Variants in FSHR observed in about 807,000 individuals in gnomAD.
FSHR encodes follicle-stimulating hormone receptor.
A neutral mutation model predicts 52.1 loss-of-function variants in FSHR; 46 were observed. The observed-to-expected ratio is 0.88, with a 90% CI of 0.70 to 1.13. The LOEUF is 1.13. Among genes scored for constraint, FSHR ranks in the 50% most tolerant of loss-of-function variants. The pLI is 0.00. For synonymous variants in FSHR, 399 were observed against 309.6 expected, an observed-to-expected ratio of 1.29 and a Z score of -3.03; for missense variants, 964 against 834.6, an observed-to-expected ratio of 1.16 and a Z score of -1.91.
chr2:48,983,293 A>C, intron 6 of FSHR, 127 bp from the exon 7 acceptor site: 2 of 790,862 alleles, frequency 2.5e-6, no homozygotes, highest in South Asian at 2.9e-5. Flanking sequence ...GCCACTTTTA[A>C]AGCTTGGGGA....
intron 2 of FSHR, among the ~76,000 whole-genome samples, chr2:49,025,399 T>C (rs1013319257): frequency 1.2e-4 from 18 of 152,270 alleles, no homozygotes; most frequent in African/African-American, 4.3e-4. Context: ...CACATTTTAG[T>C]TACTAGAAAA....
intron 2 of FSHR, among the ~76,000 whole-genome samples, chr2:49,060,411 T>A (rs1669243237): frequency 6.6e-6 from 1 of 152,028 alleles, no homozygotes; most frequent in Non-Finnish European, 1.5e-5. Context: ...AAGTCATGCC[T>A]CTCCAGTGCC....
intron 8 of FSHR, among the ~76,000 whole-genome samples, chr2:48,981,137 G>T (rs1309220526): frequency 6.6e-6 from 1 of 152,204 alleles, no homozygotes; most frequent in Non-Finnish European, 1.5e-5. Context: ...CAAGTTTTGA[G>T]TACTTTGTAT....
chr2:48,971,546 A>G (rs1232386600), intron 8 of FSHR, among the ~76,000 whole-genome samples: 1 of 152,130 alleles, frequency 6.6e-6, no homozygotes, highest in Non-Finnish European at 1.5e-5. Flanking sequence ...CATTTTCAGA[A>G]CAATTACCTT....
intron 2 of FSHR, among the ~76,000 whole-genome samples, chr2:49,038,634 ATAATAATAAT>A (rs1558404959): frequency 2.0e-4 from 22 of 107,578 alleles, no homozygotes; most frequent in African/African-American, 6.7e-4. Context: ...CAAAATAATA[ATAATAATAAT>A]AATAATAATA....
intron 1 of FSHR, among the ~76,000 whole-genome samples, chr2:49,124,372 C>G (rs1382492398): frequency 6.6e-6 from 1 of 151,956 alleles, no homozygotes; most frequent in Non-Finnish European, 1.5e-5. Flanking sequence ...TAGGTGGTAT[C>G]AGAAAACAAA....
intron 2 of FSHR, among the ~76,000 whole-genome samples, chr2:49,029,781 G>T (rs1558400046): frequency 6.6e-6 from 1 of 152,172 alleles, no homozygotes; most frequent in Admixed American, 6.5e-5. Flanking sequence ...CTCTTCTTGA[G>T]TCAAATCAGT....
chr2:49,059,738 T>C (rs939439219), intron 2 of FSHR: 2 of 152,154 alleles, frequency 1.3e-5, no homozygotes, highest in Non-Finnish European at 2.9e-5. Context: ...TTCCTAAATA[T>C]ACGTCCAAAA....
chr2:49,022,051 C>T (rs1667744235), intron 2 of FSHR, among the ~76,000 whole-genome samples: 1 of 150,710 alleles, frequency 6.6e-6, no homozygotes, highest in Non-Finnish European at 1.5e-5. Context: ...CATTTGAATG[C>T]AGTAGAGTGA....
At chr2:49,014,962 T>TA in intron 4 of FSHR, 1 of 462,404 alleles carries the variant, frequency 2.2e-6, no homozygotes, top group South Asian at 1.6e-5. Flanking sequence ...AAGGGAGAGA[T>TA]AGAGTTGGGA....
intron 2 of FSHR, among the ~76,000 whole-genome samples, chr2:49,039,451 G>A (rs919156006): frequency 5.3e-5 from 8 of 152,188 alleles, no homozygotes; most frequent in African/African-American, 1.9e-4. Context: ...AGGGCACAGA[G>A]CAGTATACAA....
intron 9 of FSHR, among the ~76,000 whole-genome samples, chr2:48,965,799 G>A (rs927048838): frequency 9.2e-5 from 14 of 152,190 alleles, no homozygotes; most frequent in African/African-American, 3.1e-4. Flanking sequence ...CATGAAGTAA[G>A]GAGAAAAGTA....
intron 2 of FSHR, among the ~76,000 whole-genome samples, chr2:49,048,736 T>C (rs1396641659): frequency 6.6e-6 from 1 of 152,224 alleles, no homozygotes; most frequent in African/African-American, 2.4e-5. Flanking sequence ...TTTTCCTCTC[T>C]GCCTGCTTAA....
rs369158999 is a variant in FSHR at position 49,038,643 on chromosome 2, AT to A, written c.225-18484del. On this transcript the variant is annotated intron_variant, in intron 2 of 9. Coordinates refer to ENST00000406846, the MANE Select transcript of FSHR (RefSeq NM_000145.4). ...CTGTCTCAAAATAATAATAATAATA[AT>A]AATAATAATAATAATAATAATAATA... Among the ~76,000 whole-genome samples, 2 of 140,756 alleles carry A rather than the reference AT, an allele frequency of 1.4e-5. 1 individual carries two copies. Among genetic ancestry groups the A allele is most frequent in the Non-Finnish European group, 3.1e-5 (2 of 64,632 alleles). 92.3% of individuals were successfully genotyped at this position (140,756 alleles called of 152,430 possible). A position where few individuals can be genotyped will look rare whatever the true frequency, so the allele number is the denominator to read the frequency against.
Position 48,963,140 on chromosome 2 carries a change from TG to T in FSHR, c.1680del (p.Asn560LysfsTer82). ...CTGGTGTCACTAGAGGAGGACACGA[TG>T]TTGGGGTTCCGCACTGTGAGGTAGA... ...IHIYLTVRNP[N>X]IVSSSSDTRI... is the part of the protein sequence containing the mutation. On this transcript the variant is annotated frameshift_variant, in exon 10 of 10. Transcript: ENST00000406846. LOFTEE classifies it high-confidence loss of function. 6.2e-7 allele frequency: 1 copy of T among 1,614,010 alleles called. No homozygotes were observed. Among genetic ancestry groups the T allele is most frequent in the Non-Finnish European group, 8.5e-7 (1 of 1,179,998 alleles).
intron 1 of FSHR, among the ~76,000 whole-genome samples, chr2:49,090,470 A>G (rs565567700): frequency 6.2e-4 from 95 of 152,340 alleles, no homozygotes; most frequent in Non-Finnish European, 1.2e-3. Flanking sequence ...GCTGCTGAGT[A>G]GTATTCCACT....
At chr2:49,088,741 G>A (rs1670491148) in intron 1 of FSHR, among the ~76,000 whole-genome samples, 1 of 152,124 alleles carries the variant, frequency 6.6e-6, no homozygotes, top group East Asian at 1.9e-4. Flanking sequence ...GATATAGGAG[G>A]ATTAACTAGG....
chr2:49,093,798 T>C (rs560666832), intron 1 of FSHR, among the ~76,000 whole-genome samples: 16 of 152,162 alleles, frequency 1.1e-4, no homozygotes, highest in Admixed American at 4.6e-4. Context: ...AGTTTCACCA[T>C]GTTGGCCAGG....
At chr2:49,018,722 C>T (rs1435536587) in intron 3 of FSHR, among the ~76,000 whole-genome samples, 1 of 152,020 alleles carries the variant, frequency 6.6e-6, no homozygotes, top group African/African-American at 2.4e-5. Context: ...TTGCAGAGTG[C>T]AGAGGCAACG....
Sources: gnomAD v4.1 joint callset for allele counts (sites outside exome capture counted in the v4.1 genomes callset) on GRCh38, gnomAD v4.1.1 for gene constraint, MANE v1.5 for transcripts, NCBI Gene and HGNC (gene_info 2026-07-23, HGNC 2026-07-21) for gene names.